Variants in VPS13B observed in about 807,000 individuals in gnomAD.
VPS13B encodes vacuolar protein sorting 13 homolog B.
In VPS13B, 285 loss-of-function variants were observed where a neutral mutation model predicts 426.4. The ratio of observed to expected loss-of-function variants is 0.67; its 90% CI spans 0.61 to 0.74. The LOEUF is 0.74. Among genes scored for constraint, VPS13B ranks in the 30% least tolerant of loss-of-function variants. VPS13B has a pLI of 0.00. For synonymous variants in VPS13B, 1,676 were observed against 1,676.4 expected, an observed-to-expected ratio of 1.00 and a Z score of 0.01; for missense variants, 4,537 against 4,782.6, an observed-to-expected ratio of 0.95 and a Z score of 1.51.
At chr8:99,420,826 C>T (rs893485630) in intron 21 of VPS13B, among the ~76,000 whole-genome samples, 2 of 152,140 alleles carry the variant, frequency 1.3e-5, no homozygotes, top group Admixed American at 1.3e-4. Context: ...GTTACCATTT[C>T]TCAGAGGAAA....
intron 33 of VPS13B, among the ~76,000 whole-genome samples, chr8:99,618,567 T>C (rs1828210469): frequency 6.6e-6 from 1 of 152,184 alleles, no homozygotes; most frequent in African/African-American, 2.4e-5. Context: ...TGATCTTTGA[T>C]GGAAATGTTA....
At chr8:99,546,125 C>T (rs1474359754) in intron 30 of VPS13B, among the ~76,000 whole-genome samples, 1 of 151,872 alleles carries the variant, frequency 6.6e-6, no homozygotes, top group Non-Finnish European at 1.5e-5. Flanking sequence ...AACTTCTGTT[C>T]CTATTCTTTC....
chr8:99,604,103 C>CA (rs1321296550), intron 33 of VPS13B, among the ~76,000 whole-genome samples: 2 of 151,702 alleles, frequency 1.3e-5, no homozygotes, highest in Admixed American at 1.3e-4. Flanking sequence ...CTTGGCAGCC[C>CA]AAAAAAGAGG....
chr8:99,785,343 A>C (rs890637272), intron 43 of VPS13B, among the ~76,000 whole-genome samples: 1 of 152,182 alleles, frequency 6.6e-6, no homozygotes, highest in Non-Finnish European at 1.5e-5. Context: ...CTAGACCAGC[A>C]TCAGAATACA....
chr8:99,693,826 C>T (rs1161718107), intron 35 of VPS13B, among the ~76,000 whole-genome samples: 1 of 150,438 alleles, frequency 6.6e-6, no homozygotes, highest in Non-Finnish European at 1.5e-5. Flanking sequence ...TCTCCTTAAG[C>T]TGATAAGCAA....
At chr8:99,422,537 A>G (rs1420794410) in intron 21 of VPS13B, among the ~76,000 whole-genome samples, 1 of 152,128 alleles carries the variant, frequency 6.6e-6, no homozygotes, top group Non-Finnish European at 1.5e-5. Context: ...TTTGCTATTC[A>G]TGGTTTCAAG....
At chr8:99,074,551 C>T (rs963200090) in intron 3 of VPS13B, among the ~76,000 whole-genome samples, 1 of 151,312 alleles carries the variant, frequency 6.6e-6, no homozygotes, top group African/African-American at 2.4e-5. Flanking sequence ...TATTATGATG[C>T]TTATTTGTTG....
chr8:99,320,774 A>G (rs762619545), intron 19 of VPS13B, among the ~76,000 whole-genome samples: 1 of 152,244 alleles, frequency 6.6e-6, no homozygotes, highest in Non-Finnish European at 1.5e-5. Context: ...TATGAATAAG[A>G]GTTTTTAAAG....
At position 99,102,218 on chromosome 8, in the gene VPS13B, G is replaced by A. The variant is rs555692649; in HGVS notation, c.413-735G>A. 1.1e-4 allele frequency among the ~76,000 whole-genome samples: 17 copies of A among 152,112 alleles called. 2 individuals are homozygous for A. The South Asian group carries it at 3.5e-3, about 32-fold the overall frequency. On this transcript the variant is annotated intron_variant, in intron 4 of 61. Coordinates refer to ENST00000357162, the MANE Select transcript of VPS13B (RefSeq NM_152564.5). The stretch of plus-strand genomic sequence containing the variant: ...GTGTTTGGAGTTAACCTGTATTTCT[G>A]TTTCTTTTTCCTATTTCCCTGTGTT...
chr8:99,332,852 G>A (rs1235464061), intron 19 of VPS13B, among the ~76,000 whole-genome samples: 2 of 151,594 alleles, frequency 1.3e-5, no homozygotes, highest in Non-Finnish European at 3.0e-5. Flanking sequence ...CATGTTGATA[G>A]GAAAGGATAA....
chr8:99,509,163 G>A (rs1424004386), intron 28 of VPS13B, among the ~76,000 whole-genome samples: 3 of 152,080 alleles, frequency 2.0e-5, no homozygotes, highest in Admixed American at 6.6e-5. Context: ...TCTTCCACTG[G>A]GGGTATACCT....
intron 16 of VPS13B, among the ~76,000 whole-genome samples, chr8:99,189,261 T>C (rs1393214288): frequency 1.3e-5 from 2 of 152,342 alleles, no homozygotes; most frequent in African/African-American, 2.4e-5. Context: ...AGTTCCCTTA[T>C]ATTCTTTTAA....
intron 23 of VPS13B, among the ~76,000 whole-genome samples, chr8:99,447,044 G>A (rs982145197): frequency 7.2e-5 from 11 of 152,032 alleles, no homozygotes; most frequent in South Asian, 6.2e-4. Flanking sequence ...TTTAACTTAC[G>A]TGATTGCCTA....
chr8:99,742,940 A>G (rs1175185716), intron 39 of VPS13B, among the ~76,000 whole-genome samples: 1 of 151,914 alleles, frequency 6.6e-6, no homozygotes, highest in Non-Finnish European at 1.5e-5. Context: ...CTCTCTCACC[A>G]CTCCTATTCA....
chr8:99,686,614 G>C (rs533807729), intron 35 of VPS13B, among the ~76,000 whole-genome samples: 2 of 152,036 alleles, frequency 1.3e-5, no homozygotes, highest in East Asian at 3.9e-4. Flanking sequence ...ACAAGCAGTG[G>C]AGTCTCTCCC....
At chr8:99,870,099 A>ATATC (rs1343694846) in intron 59 of VPS13B, among the ~76,000 whole-genome samples, 5 of 152,244 alleles carry the variant, frequency 3.3e-5, no homozygotes, top group African/African-American at 7.2e-5. Flanking sequence ...GCCTTTGTAT[A>ATATC]TATCTGTGTG....
intron 33 of VPS13B, among the ~76,000 whole-genome samples, chr8:99,593,213 A>G (rs966947683): frequency 6.6e-5 from 10 of 152,102 alleles, no homozygotes; most frequent in African/African-American, 2.4e-4. Flanking sequence ...AACCAAATTT[A>G]CAAGAAAAAA....
chr8:99,842,289 G>A (rs191885482), intron 54 of VPS13B, among the ~76,000 whole-genome samples: 1 of 152,218 alleles, frequency 6.6e-6, no homozygotes, highest in East Asian at 1.9e-4. Flanking sequence ...AGATGAGTGT[G>A]ATACTATCTG....
intron 19 of VPS13B, among the ~76,000 whole-genome samples, chr8:99,326,452 CTTTTTTTTTTTTTTTTTT>C (rs747097247): frequency 6.2e-5 from 2 of 32,518 alleles, no homozygotes; most frequent in Non-Finnish European, 1.0e-4. Flanking sequence ...CTCTAGGTAG[CTTTTTTTTTTTTTTTTTT>C]TTTTTTTTTT....
Sources: allele counts gnomAD v4.1 joint callset (sites outside exome capture counted in the v4.1 genomes callset), GRCh38; gene constraint gnomAD v4.1.1; transcripts MANE v1.5; gene names NCBI Gene and HGNC (gene_info 2026-07-23, HGNC 2026-07-21).